The following CTBP2 variants were observed in gnomAD, a reference collection of about 807,000 sequenced individuals.
The protein encoded by CTBP2 is C-terminal-binding protein 2.
A neutral mutation model predicts 80.3 loss-of-function variants in CTBP2; 30 were observed. That is an observed-to-expected ratio of 0.37 (90% CI 0.28 to 0.51). CTBP2 has a LOEUF of 0.51. Ranked by LOEUF, CTBP2 falls within the 20% of genes least tolerant of loss-of-function variation. The pLI is 0.93. For missense variants in CTBP2, 1,212 were observed against 1,375.3 expected, an observed-to-expected ratio of 0.88 and a Z score of 1.88; for synonymous variants, 594 against 587.4, an observed-to-expected ratio of 1.01 and a Z score of -0.16.
chr10:124,993,803 G>C, intron 6 of CTBP2, 52 bp downstream of exon 8: 2 of 1,575,550 alleles, frequency 1.3e-6, no homozygotes, highest in Non-Finnish European at 1.7e-6. Context: ...TGGGGGTCAG[G>C]TGTGGAGCTG....
intron 1 of CTBP2, among the ~76,000 whole-genome samples, chr10:125,007,860 G>A (rs1005718703): frequency 1.3e-5 from 2 of 152,132 alleles, no homozygotes; most frequent in African/African-American, 4.8e-5. Context: ...CTGCCCCAGG[G>A]TAAAGGGTTT....
chr10:125,059,476 G>A (rs1424582795), intron 2 of CTBP2, among the ~76,000 whole-genome samples: 1 of 152,056 alleles, frequency 6.6e-6, no homozygotes, highest in East Asian at 1.9e-4. Context: ...CAGCTACTCG[G>A]GAGGCTGAAG....
At position 125,075,322 on chromosome 10, in the gene CTBP2, C is replaced by T. The variant is rs115539133; in HGVS notation, c.-102+35668G>A. ...TCCCCCATCATTCTGGGAGGTGGGGCGTTAATGAGGTGATTAGGCCATGAG... is the reference window on the plus strand; with the variant it reads ...TCCCCCATCATTCTGGGAGGTGGGGTGTTAATGAGGTGATTAGGCCATGAG... On this transcript the variant is annotated intron_variant, in intron 2 of 10. Coordinates refer to the CTBP2 transcript ENST00000337195. 4.3e-3 allele frequency among the ~76,000 whole-genome samples: 657 copies of T among 152,200 alleles called. 3 individuals are homozygous for T. Among genetic ancestry groups the T allele is most frequent in the African/African-American group, 0.014 (577 of 41,522 alleles).
intron 2 of CTBP2, among the ~76,000 whole-genome samples, chr10:125,055,103 C>T (rs1963613059): frequency 6.6e-6 from 1 of 152,172 alleles, no homozygotes; most frequent in Admixed American, 6.5e-5. Flanking sequence ...AGAATGCAGC[C>T]TCCTAGACCC....
intron 1 of CTBP2, among the ~76,000 whole-genome samples, chr10:125,115,311 A>T (rs1206895851): frequency 6.6e-6 from 1 of 152,196 alleles, no homozygotes; most frequent in Non-Finnish European, 1.5e-5. Context: ...TCCAGGAAGC[A>T]CCGTTCACGT....
intron 1 of CTBP2, among the ~76,000 whole-genome samples, chr10:125,128,099 C>T (rs59968397): frequency 0.036 from 5,502 of 152,254 alleles, 289 homozygotes; most frequent in African/African-American, 0.12. Flanking sequence ...ACCCAGATGC[C>T]GGGTTCTGGG....
rs1254716077 is a variant in CTBP2 at position 125,131,211 on chromosome 10, G to T, written c.-205-20118C>A. ...CCACTGCGGGATTCAGAACGTAGCAGCTGGGGCCACCAGTCACTCACATTC... is the reference window on the plus strand; with the variant it reads ...CCACTGCGGGATTCAGAACGTAGCATCTGGGGCCACCAGTCACTCACATTC... On this transcript the variant is annotated intron_variant, in intron 1 of 10. Coordinates refer to the CTBP2 transcript ENST00000337195. Among the ~76,000 whole-genome samples the T allele has an allele frequency of 2.6e-5, 4 of 152,320 alleles. No homozygotes were observed. The East Asian group carries it at 7.7e-4, about 29-fold the overall frequency.
At chr10:125,088,402 A>G (rs891840055) in intron 2 of CTBP2, 1 of 152,176 alleles carries the variant, frequency 6.6e-6, no homozygotes, top group Non-Finnish European at 1.5e-5. Flanking sequence ...CAAGAGTTAT[A>G]AACATACAAA....
At chr10:124,999,663 G>A (rs1011230570) in intron 3 of CTBP2, 5 of 152,228 alleles carry the variant, frequency 3.3e-5, no homozygotes, top group Admixed American at 2.0e-4. Context: ...TGTGGTTGAC[G>A]GTGACTGAGG....
intron 2 of CTBP2, among the ~76,000 whole-genome samples, chr10:125,046,448 G>A (rs1347440694): frequency 6.8e-6 from 1 of 147,996 alleles, no homozygotes; most frequent in Non-Finnish European, 1.5e-5. Flanking sequence ...TGAGGCATGA[G>A]AATCGCTTGA....
intron 1 of CTBP2, among the ~76,000 whole-genome samples, chr10:125,004,850 C>T (rs560752695): frequency 7.7e-4 from 117 of 152,332 alleles, no homozygotes; most frequent in African/African-American, 2.8e-3. Context: ...GCAGCAGGCT[C>T]AGGGTCCCAC....
At chr10:125,018,757 C>G (rs1019976578) in intron 1 of CTBP2, among the ~76,000 whole-genome samples, 2 of 152,228 alleles carry the variant, frequency 1.3e-5, no homozygotes, top group African/African-American at 4.8e-5. Context: ...GTGTTCATAT[C>G]TAGCTGGTAT....
chr10:125,021,593 A>G (rs3853767), intron 1 of CTBP2, among the ~76,000 whole-genome samples: 148,565 of 152,234 alleles, frequency 0.98, 72,528 homozygotes, highest in Admixed American at 0.98. Flanking sequence ...AGCAACGGGC[A>G]GGAGGGATGA....
At chr10:125,098,245 A>G (rs1590754851) in intron 2 of CTBP2, among the ~76,000 whole-genome samples, 2 of 152,182 alleles carry the variant, frequency 1.3e-5, no homozygotes, top group East Asian at 3.9e-4. Flanking sequence ...GGTCCCAGCC[A>G]TCAGTCCACA....
intron 2 of CTBP2, among the ~76,000 whole-genome samples, chr10:125,041,548 C>T (rs1959813473): frequency 7.5e-6 from 1 of 133,004 alleles, no homozygotes; most frequent in South Asian, 2.6e-4. Flanking sequence ...TGAGGCTGAC[C>T]AGGGAGGCTC....
At chr10:124,992,026 CA>C (rs1952710851) in intron 8 of CTBP2, among the ~76,000 whole-genome samples, 1 of 152,008 alleles carries the variant, frequency 6.6e-6, no homozygotes, top group African/African-American at 2.4e-5. Context: ...TCAGCTGACC[CA>C]AACTACAGGT....
Position 125,026,219 on chromosome 10 carries a change from T to C in CTBP2, c.1541A>G (p.Lys514Arg), listed in dbSNP as rs1352831453. 6.2e-7 allele frequency: 1 copy of C among 1,613,592 alleles called. No individual in the cohort carries two copies. The highest frequency in any genetic ancestry group is 8.5e-7 in the Non-Finnish European group (1 of 1,179,868). The change falls in exon 1 of 9, where the codon AAG (lysine) becomes AGG (arginine). Residue 514 changes from lysine to arginine, a missense_variant. Lys to Arg is a conservative substitution (Grantham distance 26, BLOSUM62 2). This residue lies in a region of CTBP2 where 848 missense variants were observed against 782.3 expected (regional missense o/e 1.08). Coordinates refer to ENST00000309035, the MANE Select transcript of CTBP2 (RefSeq NM_022802.3). ...GGATGGCCCCAGGGGTGCACCTGGC[T>C]TCCGCAAGACCTGGGGGCTGCCGTG...
chr10:124,998,262 TTGTTGGCACC>T, intron 3 of CTBP2, 92 bp from the exon 6 acceptor site: 1 of 1,416,666 alleles, frequency 7.1e-7, no homozygotes, highest in Non-Finnish European at 9.6e-7. Flanking sequence ...TGAGACTCGG[TTGTTGGCACC>T]GGGGGAGGCC....
rs371387756 is a variant in CTBP2, at chr10:125,027,198, G to T, written c.562C>A (p.Arg188=). Residue 188 remains arginine, a synonymous_variant, in exon 1 of 9, where the codon CGG becomes AGG. Transcript: ENST00000309035. ...GTGTCGGGCTGCTCCCGTCCATACC[G>T]CCCGGGAGATGCAGCCCTGCTCTGT... is the stretch of plus-strand genomic sequence containing the variant. 4 of 1,609,518 alleles carry T rather than the reference G, an allele frequency of 2.5e-6. No individual in the cohort carries two copies. Among genetic ancestry groups the T allele is most frequent in the Non-Finnish European group, 2.5e-6 (3 of 1,176,824 alleles).
Sources: gnomAD v4.1 joint callset for allele counts (sites outside exome capture counted in the v4.1 genomes callset) on GRCh38, gnomAD v4.1.1 for gene constraint, gnomAD v4.1.1 regional missense constraint, MANE v1.5 for transcripts, NCBI Gene and HGNC (gene_info 2026-07-23, HGNC 2026-07-21) for gene names.